Variants in PCDHGA11 observed in about 807,000 individuals in gnomAD.
PCDHGA11 encodes the protein protocadherin gamma-A11.
A neutral mutation model predicts 60.4 loss-of-function variants in PCDHGA11; 39 were observed. The observed-to-expected ratio is 0.65, with a 90% CI of 0.50 to 0.84. PCDHGA11 has a LOEUF of 0.84. PCDHGA11 is among the 40% of genes least tolerant of loss of function. The pLI is 0.00. For synonymous variants in PCDHGA11, 533 were observed against 510.3 expected (o/e 1.04, Z -0.60); for missense variants, 1,165 against 1,197.7 (o/e 0.97, Z 0.40).
chr5:141,505,803 C>A (rs920849273), intron 3 of PCDHGA11, among the ~76,000 whole-genome samples: 2 of 152,234 alleles, frequency 1.3e-5, no homozygotes, highest in African/African-American at 4.8e-5. Flanking sequence ...GGACTTGGAT[C>A]GACTTGCTCA....
rs1199102847 is a variant in PCDHGA11, at chr5:141,477,997, A to G, written c.2434-16810A>G. 2 of 1,614,112 alleles carry G rather than the reference A, an allele frequency of 1.2e-6. No individual in the cohort carries two copies. Among genetic ancestry groups the G allele is most frequent in the Non-Finnish European group, 1.7e-6 (2 of 1,180,016 alleles). On this transcript the variant is annotated intron_variant, in intron 1 of 3. Coordinates refer to ENST00000398587, the MANE Select transcript of PCDHGA11 (RefSeq NM_018914.3). This position sits in a 1 kb window ranked among gnomAD's most constrained non-coding sequence, Gnocchi z 4.9. ...TTGCCATAGGGCTGCACACTGGTCAAATCAGTACTGCCCGTCCAGTCCAAG... is the reference window on the plus strand; with the variant it reads ...TTGCCATAGGGCTGCACACTGGTCAGATCAGTACTGCCCGTCCAGTCCAAG...
intron 1 of PCDHGA11, among the ~76,000 whole-genome samples, chr5:141,455,574 C>T (rs1214642742): frequency 6.6e-6 from 1 of 152,158 alleles, no homozygotes; most frequent in Non-Finnish European, 1.5e-5. Flanking sequence ...CCTCCCACCC[C>T]AGCCTTTTAA....
At chr5:141,478,733 T>C (rs1562072874) in intron 1 of PCDHGA11, 8 of 1,537,128 alleles carry the variant, frequency 5.2e-6, no homozygotes, top group Non-Finnish European at 7.0e-6. Context: ...AGAGTGTGGT[T>C]TGTGGTCCCA....
chr5:141,423,620 C>T lies in PCDHGA11; in HGVS notation c.2393C>T (p.Ser798Leu). ...KSEPLLIAED[S>L]AIILGKCDPT... ...GAGCCACTCTTGATAGCTGAAGACT[C>T]AGCTATCATTTTAGGCAAATGTGAC... The change falls in exon 1 of 4, where the codon TCA becomes TTA. Residue 798 changes from serine to leucine, a missense_variant. Transcript: ENST00000398587. 1 of 1,608,268 alleles carries T rather than the reference C, an allele frequency of 6.2e-7. No individual in the cohort carries two copies. Among genetic ancestry groups the T allele is most frequent in the Middle Eastern group, 1.7e-4 (1 of 6,014 alleles).
intron 1 of PCDHGA11, among the ~76,000 whole-genome samples, chr5:141,484,030 T>G (rs1290301073): frequency 6.6e-6 from 1 of 151,022 alleles, no homozygotes; most frequent in African/African-American, 2.4e-5. Flanking sequence ...TGAGATCAAG[T>G]CTCCAGCTCC....
intron 1 of PCDHGA11, chr5:141,430,740 A>C (rs1485485180): frequency 5.3e-6 from 8 of 1,497,664 alleles, no homozygotes; most frequent in Non-Finnish European, 7.1e-6. Context: ...AATTGAAAAT[A>C]ATTCTGGAGG....
At position 141,489,505 on chromosome 5, in the gene PCDHGA11, A is replaced by G. The variant is rs1198371307; in HGVS notation, c.2434-5302A>G. On this transcript the variant is annotated intron_variant, in intron 1 of 3. Transcript: ENST00000398587. The surrounding 1 kb of genome is among the most constrained non-coding windows in gnomAD (Gnocchi z 4.5). ...GAGTGGTGCCCTGGCAGTGAATCAA[A>G]AGATTGACCGAGAAAGCCTATGTGG... The G allele has an allele frequency of 1.9e-6, 3 of 1,613,972 alleles. No homozygotes were observed. The Admixed American group carries it at 5.0e-5, about 27-fold the overall frequency.
At chr5:141,469,372 C>G (rs780872014) in intron 1 of PCDHGA11, among the ~76,000 whole-genome samples, 5 of 151,990 alleles carry the variant, frequency 3.3e-5, no homozygotes, top group Non-Finnish European at 5.9e-5. Flanking sequence ...GTAAAGAGAT[C>G]GAGACCATCC....
Position 141,476,369 on chromosome 5 carries a change from G to A in PCDHGA11, c.2434-18438G>A, listed in dbSNP as rs1178923246. 1.9e-6 allele frequency: 3 copies of A among 1,614,098 alleles called. No homozygotes were observed. The African/African-American group carries it at 4.0e-5, about 22-fold the overall frequency. ...CTTTGAGGTGAACCGGGAGACCGGA[G>A]AGATGTTTGTGAACGACCGTCTGGA... On this transcript the variant is annotated intron_variant, in intron 1 of 3. Transcript: ENST00000398587. This position sits in a 1 kb window ranked among gnomAD's most constrained non-coding sequence, Gnocchi z 7.6.
intron 1 of PCDHGA11, among the ~76,000 whole-genome samples, chr5:141,460,447 A>G (rs1202218653): frequency 6.6e-6 from 1 of 152,170 alleles, no homozygotes; most frequent in Non-Finnish European, 1.5e-5. Context: ...GTAACAATGA[A>G]GATTCATATT....
chr5:141,430,328 T>C (rs961978065), intron 1 of PCDHGA11, among the ~76,000 whole-genome samples: 1 of 152,036 alleles, frequency 6.6e-6, no homozygotes, highest in Non-Finnish European at 1.5e-5. Flanking sequence ...AAATCATTGT[T>C]TATAGAAACT....
In PCDHGA11 at chr5:141,422,576, C is replaced by T; in HGVS notation, c.1349C>T (p.Pro450Leu). Residue 450 changes from proline to leucine, a missense_variant, in exon 1 of 4, where the codon CCT becomes CTT. Pro to Leu is a moderately conservative substitution (Grantham distance 98). Transcript: ENST00000398587. ...AATGTGGCAGATGACAACGATAACCCTCCCGTTTTTCCTCACTCCTCTTAC... is the reference window on the plus strand; with the variant it reads ...AATGTGGCAGATGACAACGATAACCTTCCCGTTTTTCCTCACTCCTCTTAC... ...WLNVADDNDN[P>L]PVFPHSSYSA... The T allele has an allele frequency of 6.2e-7, 1 of 1,614,034 alleles. No individual in the cohort carries two copies. Among genetic ancestry groups the T allele is most frequent in the South Asian group, 1.1e-5 (1 of 91,070 alleles).
chr5:141,459,580 G>C (rs1364413383), intron 1 of PCDHGA11, among the ~76,000 whole-genome samples: 1 of 152,118 alleles, frequency 6.6e-6, no homozygotes, highest in Non-Finnish European at 1.5e-5. Flanking sequence ...GAATTGTTTT[G>C]GGGGTCATAT....
At chr5:141,479,241 G>T (rs2099490987) in intron 1 of PCDHGA11, 1 of 152,174 alleles carries the variant, frequency 6.6e-6, no homozygotes, top group Admixed American at 6.5e-5. Context: ...CAAACCCAAA[G>T]ATAACCATTT....
chr5:141,431,673 G>A lies in PCDHGA11; in HGVS notation c.2433+8013G>A. On this transcript the variant is annotated intron_variant, in intron 1 of 3. Coordinates refer to ENST00000398587, the MANE Select transcript of PCDHGA11 (RefSeq NM_018914.3). The surrounding 1 kb of genome is among the most constrained non-coding windows in gnomAD (Gnocchi z 4.8). ...AATTCAGGGACAATATCAACAATAG[G>A]GGAGTTGGACCACGAGGAGTCAGGA... 1 of 1,614,214 alleles carries A rather than the reference G, an allele frequency of 6.2e-7. No homozygotes were observed. The highest frequency in any genetic ancestry group is 8.5e-7 in the Non-Finnish European group (1 of 1,180,044).
chr5:141,468,222 G>A lies in PCDHGA11; in HGVS notation c.2434-26585G>A, dbSNP rs560663102. 2.6e-3 allele frequency among the ~76,000 whole-genome samples: 401 copies of A among 151,572 alleles called. 2 individuals are homozygous for A. Among genetic ancestry groups the A allele is most frequent in the South Asian group, 0.02 (97 of 4,782 alleles). ...TGCCTGTAATTCCAGCTACTTGGGA[G>A]GATGAGGTAGGAGAATTGCCTGAAC... On this transcript the variant is annotated intron_variant, in intron 1 of 3. Coordinates refer to ENST00000398587, the MANE Select transcript of PCDHGA11 (RefSeq NM_018914.3).
At chr5:141,480,715 G>A (rs906358826) in intron 1 of PCDHGA11, among the ~76,000 whole-genome samples, 1 of 152,124 alleles carries the variant, frequency 6.6e-6, no homozygotes, top group African/African-American at 2.4e-5. Flanking sequence ...ACAAATGAAA[G>A]CACAGTCTCT....
rs1222348421 is a variant in PCDHGA11, at chr5:141,511,044, C to T, written c.2679C>T (p.Asp893=). 1 of 1,614,128 alleles carries T rather than the reference C, an allele frequency of 6.2e-7. No homozygotes were observed. The highest frequency in any genetic ancestry group is 1.3e-5 in the African/African-American group (1 of 74,940). ...GPQFTLQHVP[D]YRQNVYIPGS... is the part of the protein sequence containing the mutation. ...AGTTCACCCTGCAGCACGTGCCCGA[C>T]TACCGCCAGAATGTCTACATCCCAG... The change falls in exon 4 of 4, where the codon GAC becomes GAT. Residue 893 remains aspartate, a synonymous_variant. Coordinates refer to ENST00000398587, the MANE Select transcript of PCDHGA11 (RefSeq NM_018914.3).
At position 141,431,026 on chromosome 5, in the gene PCDHGA11, G is replaced by A; in HGVS notation, c.2433+7366G>A. On this transcript the variant is annotated intron_variant, in intron 1 of 3. Coordinates refer to ENST00000398587, the MANE Select transcript of PCDHGA11 (RefSeq NM_018914.3). This position sits in a 1 kb window ranked among gnomAD's most constrained non-coding sequence, Gnocchi z 4.8. Reference sequence around the variant, plus strand: ...GCGGCAGCTTGGTCACGGCGGGCAGGATAGACCGGGAGGAGCTCTGTATGG... The same window carrying A: ...GCGGCAGCTTGGTCACGGCGGGCAGAATAGACCGGGAGGAGCTCTGTATGG... The A allele has an allele frequency of 1.2e-6, 2 of 1,614,118 alleles. No homozygotes were observed. The highest frequency in any genetic ancestry group is 1.7e-6 in the Non-Finnish European group (2 of 1,179,960).
Sources: allele counts gnomAD v4.1 joint callset (sites outside exome capture counted in the v4.1 genomes callset), GRCh38; gene constraint gnomAD v4.1.1; non-coding constraint Gnocchi (gnomAD v3.1); transcripts MANE v1.5; gene names NCBI Gene and HGNC (gene_info 2026-07-23, HGNC 2026-07-21).